Variants in PALM2AKAP2 observed in about 807,000 individuals in gnomAD.
PALM2AKAP2 encodes the protein PALM2-AKAP2 fusion protein.
In PALM2AKAP2, 37 loss-of-function variants were observed where a neutral mutation model predicts 71.5. The observed-to-expected ratio is 0.52, with a 90% CI of 0.40 to 0.68. The LOEUF (loss-of-function observed/expected upper bound fraction) is 0.68, where lower values mean the gene tolerates loss of function less well. PALM2AKAP2 is among the 30% of genes least tolerant of loss of function. The probability of loss-of-function intolerance (pLI) is 0.00; values close to 1 mark genes in which losing one functional copy is unlikely to be tolerated. For synonymous variants in PALM2AKAP2, 468 were observed against 478.8 expected (o/e 0.98, Z 0.29); for missense variants, 1,224 against 1,191.8 (o/e 1.03, Z -0.40).
At chr9:110,167,044 A>G (rs963583059) in intron 3 of PALM2AKAP2, among the ~76,000 whole-genome samples, 3 of 152,218 alleles carry the variant, frequency 2.0e-5, no homozygotes, top group African/African-American at 7.2e-5. Context: ...GCAGCAGGCA[A>G]GACAGTGTGT....
At chr9:109,925,017 C>A (rs778982335) in intron 4 of PALM2AKAP2, 44 bp from the exon 5 acceptor site, 1 of 1,613,566 alleles carries the variant, frequency 6.2e-7, no homozygotes, top group South Asian at 1.1e-5. Flanking sequence ...GGGATTGTAC[C>A]CCCACATGTA....
At chr9:110,036,908 A>G (rs1833420938) in intron 7 of PALM2AKAP2, among the ~76,000 whole-genome samples, 1 of 152,106 alleles carries the variant, frequency 6.6e-6, no homozygotes, top group Non-Finnish European at 1.5e-5. Flanking sequence ...ATATCACCTC[A>G]GTAAAGAGTC....
intron 1 of PALM2AKAP2, among the ~76,000 whole-genome samples, chr9:109,801,786 T>C (rs1248654737): frequency 6.6e-6 from 1 of 152,124 alleles, no homozygotes; most frequent in Non-Finnish European, 1.5e-5. Context: ...CCTTGTGTGA[T>C]GTTAGGGTTA....
chr9:109,706,422 T>G (rs186006200), intron 1 of PALM2AKAP2, among the ~76,000 whole-genome samples: 2 of 152,200 alleles, frequency 1.3e-5, no homozygotes, highest in Non-Finnish European at 2.9e-5. Context: ...TTGGTAAGGA[T>G]GTAGAGAAAC....
chr9:109,821,741 C>T (rs552144567), intron 1 of PALM2AKAP2, among the ~76,000 whole-genome samples: 2 of 152,114 alleles, frequency 1.3e-5, no homozygotes, highest in South Asian at 2.1e-4. Flanking sequence ...AGGGAGCTGC[C>T]CTGTGCTGCC....
At chr9:110,066,744 C>T (rs371736725) in intron 1 of PALM2AKAP2, among the ~76,000 whole-genome samples, 3 of 151,304 alleles carry the variant, frequency 2.0e-5, no homozygotes, top group East Asian at 1.9e-4. Flanking sequence ...GGCTGGCACA[C>T]GGTTAGAACT....
At chr9:109,982,413 A>C (rs898807413) in intron 6 of PALM2AKAP2, among the ~76,000 whole-genome samples, 12 of 152,228 alleles carry the variant, frequency 7.9e-5, no homozygotes, top group African/African-American at 2.7e-4. Context: ...GGGTAACTAC[A>C]GTCAATAATA....
chr9:110,008,141 G>T (rs1832817913), intron 6 of PALM2AKAP2, among the ~76,000 whole-genome samples: 1 of 152,222 alleles, frequency 6.6e-6, no homozygotes, highest in East Asian at 1.9e-4. Context: ...GGAATAAAGT[G>T]TTCTGGTTTC....
At chr9:109,698,551 T>G (rs1027667737) in intron 1 of PALM2AKAP2, among the ~76,000 whole-genome samples, 3 of 152,168 alleles carry the variant, frequency 2.0e-5, no homozygotes, top group Non-Finnish European at 2.9e-5. Flanking sequence ...AGTATTGGGA[T>G]TATAGGCGTG....
At chr9:109,986,431 G>A (rs895099772) in intron 6 of PALM2AKAP2, among the ~76,000 whole-genome samples, 26 of 152,190 alleles carry the variant, frequency 1.7e-4, no homozygotes, top group African/African-American at 6.3e-4. Flanking sequence ...CACCTCCTAT[G>A]AAAAGATTCA....
At chr9:109,951,072 C>G (rs11506881) in intron 6 of PALM2AKAP2, among the ~76,000 whole-genome samples, 162 of 152,342 alleles carry the variant, frequency 1.1e-3, no homozygotes, top group African/African-American at 3.8e-3. Context: ...ACATTCTTTC[C>G]TGCTCTCAAG....
At chr9:110,118,352 T>C (rs1835412248) in intron 1 of PALM2AKAP2, among the ~76,000 whole-genome samples, 1 of 152,140 alleles carries the variant, frequency 6.6e-6, no homozygotes, top group African/African-American at 2.4e-5. Context: ...GTTCAAGTGA[T>C]TCTCCTGCCT....
intron 1 of PALM2AKAP2, among the ~76,000 whole-genome samples, chr9:109,756,781 T>C (rs1000557423): frequency 1.3e-5 from 2 of 152,194 alleles, no homozygotes; most frequent in African/African-American, 4.8e-5. Flanking sequence ...CTGATTGCTT[T>C]GAATCACTTG....
chr9:110,091,612 G>A (rs1834714633), intron 1 of PALM2AKAP2, among the ~76,000 whole-genome samples: 1 of 151,650 alleles, frequency 6.6e-6, no homozygotes, highest in African/African-American at 2.4e-5. Flanking sequence ...ATAGGCGCCT[G>A]CCTCCACACC....
At chr9:110,012,093 G>C (rs1056261385) in intron 6 of PALM2AKAP2, among the ~76,000 whole-genome samples, 1 of 152,192 alleles carries the variant, frequency 6.6e-6, no homozygotes, top group Non-Finnish European at 1.5e-5. Context: ...TCAGGAGTTA[G>C]ACCGGTCTGA....
chr9:109,962,790 A>C (rs1046945801), intron 6 of PALM2AKAP2, among the ~76,000 whole-genome samples: 1 of 152,274 alleles, frequency 6.6e-6, no homozygotes, highest in Admixed American at 6.5e-5. Context: ...TTACAGGTGC[A>C]TGCGACCAAG....
chr9:110,138,563 A>T, intron 2 of PALM2AKAP2, 24 bp downstream of exon 8: 1 of 1,556,026 alleles, frequency 6.4e-7, no homozygotes, highest in East Asian at 2.3e-5. Flanking sequence ...CTCACATGAG[A>T]GACAGATGCC....
intron 3 of PALM2AKAP2, among the ~76,000 whole-genome samples, chr9:110,157,292 A>T (rs184870050): frequency 1.3e-5 from 2 of 152,312 alleles, no homozygotes; most frequent in African/African-American, 4.8e-5. Context: ...TAAGTCACAG[A>T]TAGCTTGGGT....
At chr9:109,837,448 G>T (rs1249759999) in intron 1 of PALM2AKAP2, among the ~76,000 whole-genome samples, 1 of 152,092 alleles carries the variant, frequency 6.6e-6, no homozygotes, top group Non-Finnish European at 1.5e-5. Flanking sequence ...AGACCATCGA[G>T]GCTAGAAAGA....
Sources: allele counts gnomAD v4.1 joint callset (sites outside exome capture counted in the v4.1 genomes callset), GRCh38; gene constraint gnomAD v4.1.1; transcripts MANE v1.5; gene names NCBI Gene and HGNC (gene_info 2026-07-23, HGNC 2026-07-21).